KLF12: variants seen among roughly 807,000 people sequenced by gnomAD.
The protein encoded by KLF12 is KLF transcription factor 12, also known as Krueppel-like factor 12.
KLF12 carries 9 observed loss-of-function variants against 37.8 expected under a neutral mutation model. That is an observed-to-expected ratio of 0.24 (90% CI 0.14 to 0.42). The LOEUF is 0.42. Among genes scored for constraint, KLF12 ranks in the 10% least tolerant of loss-of-function variants. The pLI is 1.00. For missense variants in KLF12, 411 were observed against 516.0 expected (o/e 0.80, Z 1.97); for synonymous variants, 208 against 202.1 (o/e 1.03, Z -0.25).
chr13:73,923,438 G>A (rs1889220576), intron 3 of KLF12, among the ~76,000 whole-genome samples: 1 of 152,190 alleles, frequency 6.6e-6, no homozygotes, highest in Admixed American at 6.5e-5. Flanking sequence ...CACTCAGAAT[G>A]TATATGTATC....
the KLF12 span, among the ~76,000 whole-genome samples, chr13:74,231,048 T>G: frequency 4.1e-5 from 6 of 146,704 alleles, no homozygotes; most frequent in African/African-American, 1.6e-4. Context: ...TTTTTTTTTT[T>G]GCCTGAAATG....
intron 6 of KLF12, among the ~76,000 whole-genome samples, chr13:73,751,911 A>G (rs1878786854): frequency 6.6e-6 from 1 of 152,214 alleles, no homozygotes; most frequent in African/African-American, 2.4e-5. Flanking sequence ...TGAAACTTAC[A>G]GGGTCCTTTG....
At chr13:74,126,828 A>G (rs186194799) in intron 1 of KLF12, among the ~76,000 whole-genome samples, 37 of 152,336 alleles carry the variant, frequency 2.4e-4, no homozygotes, top group Admixed American at 3.9e-4. Context: ...ATAGTATTCC[A>G]TGTGCCAGTT....
intron 1 of KLF12, among the ~76,000 whole-genome samples, chr13:74,074,487 A>G (rs570761639): frequency 6.6e-6 from 1 of 152,160 alleles, no homozygotes; most frequent in East Asian, 1.9e-4. Flanking sequence ...CCAAAACTCC[A>G]TAATTCAGTG....
At chr13:73,713,184 C>T (rs1006700947) in intron 7 of KLF12, among the ~76,000 whole-genome samples, 10 of 152,072 alleles carry the variant, frequency 6.6e-5, no homozygotes, top group South Asian at 2.1e-4. Context: ...AGAGGAACAC[C>T]GGGGCCAGTG....
the KLF12 span, chr13:74,259,623 A>T: frequency 1.3e-5 from 2 of 152,150 alleles, no homozygotes; most frequent in Admixed American, 6.5e-5. Context: ...TTAAAACCCC[A>T]ATTTAAGAAT....
At chr13:74,019,877 G>T (rs913592916) in intron 1 of KLF12, among the ~76,000 whole-genome samples, 1 of 152,186 alleles carries the variant, frequency 6.6e-6, no homozygotes, top group African/African-American at 2.4e-5. Context: ...TCATGGCCTG[G>T]ACATTAAATA....
intron 1 of KLF12, among the ~76,000 whole-genome samples, chr13:74,051,772 A>G (rs1872941622): frequency 6.6e-6 from 1 of 152,244 alleles, no homozygotes; most frequent in Non-Finnish European, 1.5e-5. Flanking sequence ...TAAAAATCCC[A>G]TAAAGTTAGA....
chr13:73,857,974 T>TC (rs926171333), intron 3 of KLF12, among the ~76,000 whole-genome samples: 5 of 152,066 alleles, frequency 3.3e-5, no homozygotes, highest in African/African-American at 1.2e-4. Flanking sequence ...CTTAATTTTG[T>TC]CCCCCCAAAG....
intron 1 of KLF12, among the ~76,000 whole-genome samples, chr13:74,057,369 G>T (rs566397825): frequency 6.6e-6 from 1 of 152,146 alleles, no homozygotes; most frequent in Non-Finnish European, 1.5e-5. Flanking sequence ...CCCAGGGACC[G>T]AGAGGGAACT....
intron 3 of KLF12, among the ~76,000 whole-genome samples, chr13:73,890,068 C>A (rs1196817574): frequency 1.3e-5 from 2 of 152,046 alleles, no homozygotes; most frequent in African/African-American, 4.8e-5. Context: ...ATAGAGAACA[C>A]ACAAGAACAC....
chr13:74,058,004 T>C (rs1246105495), intron 1 of KLF12, among the ~76,000 whole-genome samples: 1 of 151,352 alleles, frequency 6.6e-6, no homozygotes, highest in Admixed American at 6.6e-5. Context: ...TCTCACTCTG[T>C]CACCCAGGCT....
chr13:73,871,660 A>C (rs1340760643), intron 3 of KLF12, among the ~76,000 whole-genome samples: 1 of 152,162 alleles, frequency 6.6e-6, no homozygotes, highest in Non-Finnish European at 1.5e-5. Context: ...TTTTCTCCCA[A>C]CCACTTTTCC....
chr13:74,212,783 T>A, the KLF12 span, among the ~76,000 whole-genome samples: 1 of 152,186 alleles, frequency 6.6e-6, no homozygotes, highest in Non-Finnish European at 1.5e-5. Context: ...TTCACCATTT[T>A]ACTCAGGATC....
At chr13:73,813,574 G>C (rs891142565) in intron 4 of KLF12, among the ~76,000 whole-genome samples, 2 of 152,136 alleles carry the variant, frequency 1.3e-5, no homozygotes, top group African/African-American at 4.8e-5. Flanking sequence ...GTGGTCAAAA[G>C]CTGATAACGT....
chr13:73,830,000 G>C (rs1476675664), intron 4 of KLF12, among the ~76,000 whole-genome samples: 1 of 152,164 alleles, frequency 6.6e-6, no homozygotes, highest in African/African-American at 2.4e-5. Context: ...GGAGGTTTAA[G>C]TATGAAGGAC....
intron 7 of KLF12, among the ~76,000 whole-genome samples, chr13:73,708,496 T>G (rs965237703): frequency 6.6e-6 from 1 of 152,222 alleles, no homozygotes; most frequent in African/African-American, 2.4e-5. Context: ...TCCATTTTAA[T>G]GTCATGTCAT....
At chr13:74,293,625 G>A in the KLF12 span, among the ~76,000 whole-genome samples, 1 of 152,118 alleles carries the variant, frequency 6.6e-6, no homozygotes, top group South Asian at 2.1e-4. Context: ...CCCAGTAACT[G>A]AAGGACTATA....
chr13:74,094,497 G>T (rs1289780309), intron 1 of KLF12, among the ~76,000 whole-genome samples: 2 of 151,908 alleles, frequency 1.3e-5, no homozygotes, highest in Non-Finnish European at 2.9e-5. Flanking sequence ...AGTTTCAAAT[G>T]CAAAAGAACT....
Sources: allele counts gnomAD v4.1 joint callset (sites outside exome capture counted in the v4.1 genomes callset), GRCh38; gene constraint gnomAD v4.1.1; transcripts MANE v1.5; gene names NCBI Gene and HGNC (gene_info 2026-07-23, HGNC 2026-07-21).